SP4: variants seen among roughly 807,000 people sequenced by gnomAD.
SP4 encodes the protein transcription factor Sp4.
A neutral mutation model predicts 72.8 loss-of-function variants in SP4; 19 were observed. The ratio of observed to expected loss-of-function variants is 0.26; its 90% CI spans 0.18 to 0.38. SP4 has a LOEUF of 0.38. SP4 is among the 10% of genes least tolerant of loss of function. The pLI is 1.00. For synonymous variants in SP4, 395 were observed against 333.1 expected, an observed-to-expected ratio of 1.19 and a Z score of -2.02; for missense variants, 1,008 against 926.3, an observed-to-expected ratio of 1.09 and a Z score of -1.14.
At chr7:21,485,613 T>C (rs1276069431) in intron 5 of SP4, among the ~76,000 whole-genome samples, 1 of 152,006 alleles carries the variant, frequency 6.6e-6, no homozygotes, top group Non-Finnish European at 1.5e-5. Context: ...TTTACTTCAC[T>C]TTGCACCATC....
intron 4 of SP4, among the ~76,000 whole-genome samples, chr7:21,477,864 A>G (rs1025629430): frequency 2.6e-5 from 4 of 152,184 alleles, no homozygotes; most frequent in African/African-American, 9.6e-5. Flanking sequence ...TTCATAAAAT[A>G]TTTACGTAAC....
intron 3 of SP4, among the ~76,000 whole-genome samples, chr7:21,433,901 C>G (rs1034491793): frequency 3.9e-5 from 6 of 151,976 alleles, no homozygotes; most frequent in Non-Finnish European, 5.9e-5. Context: ...CGAGATCGCG[C>G]CATTGCACTT....
chr7:21,444,370 C>G (rs1396769654), intron 3 of SP4, among the ~76,000 whole-genome samples: 1 of 152,052 alleles, frequency 6.6e-6, no homozygotes, highest in Non-Finnish European at 1.5e-5. Flanking sequence ...TATAGTATAC[C>G]AGATAATGCA....
intron 3 of SP4, among the ~76,000 whole-genome samples, chr7:21,431,636 T>C (rs776449503): frequency 3.9e-4 from 59 of 152,232 alleles, no homozygotes; most frequent in Non-Finnish European, 7.6e-4. Context: ...TTATTTGTTA[T>C]GCATATAAAT....
chr7:21,496,960 C>T (rs75931034), intron 5 of SP4, among the ~76,000 whole-genome samples: 3,238 of 152,302 alleles, frequency 0.021, 72 homozygotes, highest in Non-Finnish European at 0.031. Flanking sequence ...CATGTATGAC[C>T]TTCTAGATTC....
intron 3 of SP4, among the ~76,000 whole-genome samples, chr7:21,459,372 G>A (rs913076929): frequency 3.3e-5 from 5 of 152,140 alleles, no homozygotes; most frequent in Admixed American, 3.3e-4. Flanking sequence ...ACCTGCCTCA[G>A]CCTCCTAAAG....
chr7:21,468,989 A>G (rs1562607291), intron 3 of SP4, among the ~76,000 whole-genome samples: 1 of 152,198 alleles, frequency 6.6e-6, no homozygotes, highest in Admixed American at 6.5e-5. Flanking sequence ...AGATAGTCTT[A>G]CAAATGTTTC....
At position 21,448,521 on chromosome 7, in the gene SP4, C is replaced by T. The variant is rs535859455; in HGVS notation, c.1678+17678C>T. Among the ~76,000 whole-genome samples the T allele has an allele frequency of 1.7e-4, 26 of 152,222 alleles. No individual in the cohort carries two copies. The East Asian group carries it at 2.5e-3, about 15-fold the overall frequency. On this transcript the variant is annotated intron_variant, in intron 3 of 5. Transcript: ENST00000222584. Reference sequence around the variant, plus strand: ...AAAATAGAAATGGACAAGAATGAGACGTGGGTTCAATTCCCTGTTCTTTTA... The same window carrying T: ...AAAATAGAAATGGACAAGAATGAGATGTGGGTTCAATTCCCTGTTCTTTTA...
At position 21,444,542 on chromosome 7, in the gene SP4, G is replaced by T. The variant is rs187509071; in HGVS notation, c.1678+13699G>T. On this transcript the variant is annotated intron_variant, in intron 3 of 5. Transcript: ENST00000222584. ...ATGGAACCAGAGTCTAAACGTACTT[G>T]TACTATTACCACTTACTGCCCTGAA... Among the ~76,000 whole-genome samples the T allele has an allele frequency of 3.5e-3, 534 of 152,152 alleles. 3 individuals are homozygous for T. Among genetic ancestry groups the T allele is most frequent in the Non-Finnish European group, 2.6e-3 (174 of 67,980 alleles).
chr7:21,459,475 T>A (rs2237304), intron 3 of SP4, among the ~76,000 whole-genome samples: 31,951 of 152,124 alleles, frequency 0.21, 3,530 homozygotes, highest in Middle Eastern at 0.43. Flanking sequence ...CAGATTTCAT[T>A]AAAATAAATA....
At chr7:21,433,783 A>G (rs1782950178) in intron 3 of SP4, among the ~76,000 whole-genome samples, 1 of 152,148 alleles carries the variant, frequency 6.6e-6, no homozygotes, top group Admixed American at 6.5e-5. Context: ...TCTACTAAAA[A>G]TACAGAATTA....
intron 4 of SP4, among the ~76,000 whole-genome samples, chr7:21,478,336 T>C (rs907738149): frequency 6.6e-6 from 1 of 152,236 alleles, no homozygotes; most frequent in African/African-American, 2.4e-5. Flanking sequence ...TGTGTAGAAC[T>C]GTTTGTGTGG....
intron 1 of SP4, 70 bp downstream of exon 1, chr7:21,428,328 C>A (rs968735205): frequency 1.3e-6 from 1 of 767,724 alleles, no homozygotes; most frequent in Non-Finnish European, 2.3e-6. Flanking sequence ...AGACCCTGCT[C>A]GGTTCTCCCC....
At chr7:21,509,210 T>A (rs541296963) in intron 5 of SP4, among the ~76,000 whole-genome samples, 1 of 152,270 alleles carries the variant, frequency 6.6e-6, no homozygotes, top group Non-Finnish European at 1.5e-5. Context: ...TAATTATATG[T>A]AGGGGTATAG....
chr7:21,488,809 A>G (rs1331969179), intron 5 of SP4, among the ~76,000 whole-genome samples: 1 of 151,856 alleles, frequency 6.6e-6, no homozygotes, highest in Non-Finnish European at 1.5e-5. Flanking sequence ...TAATGATACA[A>G]CTAAATGGAT....
intron 4 of SP4, among the ~76,000 whole-genome samples, chr7:21,480,393 G>C (rs1352819133): frequency 6.6e-6 from 1 of 152,154 alleles, no homozygotes; most frequent in African/African-American, 2.4e-5. Context: ...TACGAATTCA[G>C]TCTAGTTGCT....
At chr7:21,434,697 T>C (rs1223365392) in intron 3 of SP4, among the ~76,000 whole-genome samples, 1 of 152,144 alleles carries the variant, frequency 6.6e-6, no homozygotes, top group African/African-American at 2.4e-5. Context: ...GATTTTAGTG[T>C]ACCCATCACC....
intron 3 of SP4, among the ~76,000 whole-genome samples, chr7:21,475,266 T>C (rs6943399): frequency 0.65 from 97,904 of 151,426 alleles, 31,894 homozygotes; most frequent in Middle Eastern, 0.74. Flanking sequence ...AGGTGTGTGC[T>C]ACCACACCTG....
chr7:21,511,288 G>C lies in SP4; in HGVS notation c.*19G>C, dbSNP rs775242597. 1 of 1,610,678 alleles carries C rather than the reference G, an allele frequency of 6.2e-7. No individual in the cohort carries two copies. Among genetic ancestry groups the C allele is most frequent in the Non-Finnish European group, 8.5e-7 (1 of 1,178,224 alleles). ...ATTCTGAAAAGTTATTTATAACAGAGACCTCTAGTGCTGCACTTGTTTACA... is the reference window on the plus strand; with the variant it reads ...ATTCTGAAAAGTTATTTATAACAGACACCTCTAGTGCTGCACTTGTTTACA... On this transcript the variant is annotated 3_prime_UTR_variant, in exon 6 of 6. Transcript: ENST00000222584.
Sources: gnomAD v4.1 joint callset for allele counts (sites outside exome capture counted in the v4.1 genomes callset) on GRCh38, gnomAD v4.1.1 for gene constraint, MANE v1.5 for transcripts, NCBI Gene and HGNC (gene_info 2026-07-23, HGNC 2026-07-21) for gene names.